The following RIMS2 variants were observed in gnomAD, a reference collection of about 807,000 sequenced individuals.
RIMS2 encodes the protein regulating synaptic membrane exocytosis protein 2.
Under a neutral mutation model 174.4 loss-of-function variants are expected in RIMS2, and 59 were observed. The observed-to-expected ratio is 0.34, with a 90% CI of 0.27 to 0.42. The LOEUF (loss-of-function observed/expected upper bound fraction) is 0.42, where lower values mean the gene tolerates loss of function less well. RIMS2 is among the 10% of genes least tolerant of loss of function. RIMS2 has a pLI of 1.00. For missense variants in RIMS2, 1,620 were observed against 1,666.3 expected, an observed-to-expected ratio of 0.97 and a Z score of 0.48; for synonymous variants, 606 against 572.5, an observed-to-expected ratio of 1.06 and a Z score of -0.84.
chr8:103,614,453 C>T (rs2095459601), intron 1 of RIMS2, among the ~76,000 whole-genome samples: 1 of 152,216 alleles, frequency 6.6e-6, no homozygotes, highest in Non-Finnish European at 1.5e-5. Context: ...CTCTTTGATC[C>T]TTCTCATGCC....
intron 3 of RIMS2, among the ~76,000 whole-genome samples, chr8:103,840,325 G>A (rs918720911): frequency 1.4e-4 from 22 of 151,968 alleles, no homozygotes; most frequent in African/African-American, 4.8e-4. Flanking sequence ...CTTCTATACA[G>A]GTTTCTTATA....
chr8:103,921,753 A>C (rs769771357), exon 10 of RIMS2: 5 of 1,517,788 alleles, frequency 3.3e-6, no homozygotes, highest in Non-Finnish European at 4.6e-6. Flanking sequence ...ATGTTGAGGG[A>C]TGTCCCACAG....
chr8:103,729,686 A>G (rs1418231779), intron 2 of RIMS2, among the ~76,000 whole-genome samples: 1 of 152,026 alleles, frequency 6.6e-6, no homozygotes, highest in Non-Finnish European at 1.5e-5. Flanking sequence ...GTTTATTGCT[A>G]TGAACTTTCT....
intron 19 of RIMS2, among the ~76,000 whole-genome samples, chr8:104,168,726 G>T (rs2098812681): frequency 6.6e-6 from 1 of 152,114 alleles, no homozygotes. Flanking sequence ...TCTTGTTCCA[G>T]TTCTCAAGGG....
rs34876587 is a variant in RIMS2 at position 103,837,940 on chromosome 8, C to CT, written c.699-47341dup. 2.5e-3 allele frequency among the ~76,000 whole-genome samples: 344 copies of CT among 135,712 alleles called. 4 individuals carry two copies. The highest frequency in any genetic ancestry group is 0.012 in the Middle Eastern group (3 of 258). 89.0% of individuals were successfully genotyped at this position (135,712 alleles called of 152,430 possible). A position where few individuals can be genotyped will look rare whatever the true frequency, so the allele number is the denominator to read the frequency against. On this transcript the variant is annotated intron_variant, in intron 3 of 23. Coordinates refer to ENST00000504942, the Ensembl canonical transcript of RIMS2. ...CCGCATTTTCTTTTTCTTTCTTTCTCTTTTTTTTTTTTTTTTTCTGAGACA... is the reference window on the plus strand; with the variant it reads ...CCGCATTTTCTTTTTCTTTCTTTCTCTTTTTTTTTTTTTTTTTTCTGAGACA...
exon 24 of RIMS2, chr8:104,251,751 C>T (rs10461): frequency 0.37 from 588,019 of 1,608,838 alleles, 111,924 homozygotes; most frequent in East Asian, 0.62. Context: ...CAACCTTGGC[C>T]CCTCTGACAA....
chr8:104,211,514 G>GAGAT (rs893295279), intron 19 of RIMS2, among the ~76,000 whole-genome samples: 2 of 152,080 alleles, frequency 1.3e-5, no homozygotes, highest in African/African-American at 4.8e-5. Flanking sequence ...TTTGATTGCA[G>GAGAT]AGATAAGACA....
In RIMS2 at chr8:103,871,785, G is replaced by GT. The variant is rs146277824; in HGVS notation, c.699-13503dup. ...CTTTAAATTAAAACCGAAGGTGTTT[G>GT]TTTTTTTTTTACATTTAGTTCTTTT... On this transcript the variant is annotated intron_variant, in intron 3 of 23. Transcript: ENST00000504942. 6.8e-3 allele frequency among the ~76,000 whole-genome samples: 1,009 copies of GT among 147,318 alleles called. 10 individuals are homozygous for GT. The highest frequency in any genetic ancestry group is 0.023 in the African/African-American group (929 of 40,246).
At chr8:103,553,070 G>A (rs560293916) in intron 1 of RIMS2, among the ~76,000 whole-genome samples, 16 of 152,142 alleles carry the variant, frequency 1.1e-4, no homozygotes, top group South Asian at 4.1e-4. Flanking sequence ...TAGAGATACC[G>A]TTTGACCCAG....
chr8:103,597,759 T>G (rs1196884593), intron 1 of RIMS2, among the ~76,000 whole-genome samples: 1 of 152,068 alleles, frequency 6.6e-6, no homozygotes, highest in African/African-American at 2.4e-5. Context: ...TATCTGAACC[T>G]TATGAATATT....
chr8:104,088,255 A>G (rs746869835), intron 19 of RIMS2, among the ~76,000 whole-genome samples: 1 of 152,082 alleles, frequency 6.6e-6, no homozygotes, highest in Non-Finnish European at 1.5e-5. Context: ...AAGAGCAACA[A>G]CTATTTTCTT....
chr8:104,029,548 A>G (rs1003037306), intron 19 of RIMS2, among the ~76,000 whole-genome samples: 35 of 152,224 alleles, frequency 2.3e-4, no homozygotes, highest in African/African-American at 7.7e-4. Context: ...TCATAAATTT[A>G]TGGTTATTGG....
At chr8:103,951,953 G>A (rs771244262) in intron 14 of RIMS2, among the ~76,000 whole-genome samples, 2 of 152,178 alleles carry the variant, frequency 1.3e-5, no homozygotes, top group Non-Finnish European at 2.9e-5. Context: ...TTGAGTAGGC[G>A]GTTTCGACCT....
In RIMS2 at chr8:103,775,554, A is replaced by G. The variant is rs138990371; in HGVS notation, c.698+9017A>G. 1.3e-3 allele frequency among the ~76,000 whole-genome samples: 204 copies of G among 152,230 alleles called. 1 individual carries two copies. The highest frequency in any genetic ancestry group is 4.6e-3 in the African/African-American group (191 of 41,570). On this transcript the variant is annotated intron_variant, in intron 3 of 23. Coordinates refer to ENST00000504942, the Ensembl canonical transcript of RIMS2. ...TCTGTGAATTATGCACATTCAATAA[A>G]TGCTTGGTGCATATGATGAATGAGA...
intron 1 of RIMS2, among the ~76,000 whole-genome samples, chr8:103,552,538 G>T (rs931502268): frequency 6.6e-6 from 1 of 152,116 alleles, no homozygotes; most frequent in Non-Finnish European, 1.5e-5. Context: ...CATAAGCATG[G>T]GCAAGGACTT....
intron 2 of RIMS2, among the ~76,000 whole-genome samples, chr8:103,718,052 A>T (rs1472919717): frequency 1.3e-5 from 2 of 152,190 alleles, no homozygotes; most frequent in African/African-American, 4.8e-5. Flanking sequence ...AAGCTCTTGA[A>T]CTCATACTAG....
chr8:104,015,535 A>C (rs2095877110), intron 19 of RIMS2: 1 of 598,982 alleles, frequency 1.7e-6, no homozygotes, highest in Non-Finnish European at 3.0e-6. Context: ...CCCAACTGCA[A>C]TTGATGTCCT....
intron 19 of RIMS2, among the ~76,000 whole-genome samples, chr8:104,048,222 C>T (rs1354527373): frequency 1.3e-5 from 2 of 152,178 alleles, no homozygotes; most frequent in East Asian, 3.9e-4. Context: ...ATCTGAATAA[C>T]TTTTACAAAG....
intron 17 of RIMS2, among the ~76,000 whole-genome samples, chr8:104,007,446 C>T (rs1368525983): frequency 2.0e-5 from 3 of 152,056 alleles, no homozygotes; most frequent in East Asian, 1.9e-4. Context: ...AAACGGATTC[C>T]GATCTAATTT....
Sources: gnomAD v4.1 joint callset for allele counts (sites outside exome capture counted in the v4.1 genomes callset) on GRCh38, gnomAD v4.1.1 for gene constraint, MANE v1.5 for transcripts, NCBI Gene and HGNC (gene_info 2026-07-23, HGNC 2026-07-21) for gene names.